The following GRIK3 variants were observed in gnomAD, a reference collection of about 807,000 sequenced individuals.
GRIK3 encodes the protein glutamate ionotropic receptor kainate type subunit 3.
A neutral mutation model predicts 102.5 loss-of-function variants in GRIK3; 29 were observed. That is an observed-to-expected ratio of 0.28 (90% CI 0.21 to 0.39). The LOEUF (loss-of-function observed/expected upper bound fraction) is 0.39. GRIK3 is among the 10% of genes least tolerant of loss of function. GRIK3 has a pLI of 1.00. For missense variants in GRIK3, 908 were observed against 1,252.4 expected (o/e 0.73, Z 4.15); for synonymous variants, 511 against 504.9 (o/e 1.01, Z -0.16).
chr1:36,886,271 T>C (rs1641036294), intron 2 of GRIK3, among the ~76,000 whole-genome samples: 1 of 151,900 alleles, frequency 6.6e-6, no homozygotes, highest in South Asian at 2.1e-4. Context: ...TGCCTCTGTG[T>C]CCCCTCCCCC....
intron 1 of GRIK3, among the ~76,000 whole-genome samples, chr1:36,902,449 T>C (rs1641241794): frequency 6.6e-6 from 1 of 152,154 alleles, no homozygotes. Flanking sequence ...CGACCGATCT[T>C]TGACAAGGGA....
intron 1 of GRIK3, among the ~76,000 whole-genome samples, chr1:36,901,498 T>C (rs756400055): frequency 1.3e-5 from 2 of 152,198 alleles, no homozygotes; most frequent in African/African-American, 2.4e-5. Context: ...ACCCCATTAA[T>C]GATAAAAACT....
At chr1:36,979,167 A>C (rs1642223396) in intron 1 of GRIK3, among the ~76,000 whole-genome samples, 1 of 152,252 alleles carries the variant, frequency 6.6e-6, no homozygotes, top group Admixed American at 6.5e-5. Flanking sequence ...CCTCCAATTT[A>C]ATAGACCAGT....
chr1:36,854,866 C>T (rs574177781), intron 7 of GRIK3, among the ~76,000 whole-genome samples: 10 of 152,278 alleles, frequency 6.6e-5, no homozygotes, highest in South Asian at 2.1e-4. Flanking sequence ...ACTTTACAGA[C>T]GAGGAAGCAG....
chr1:36,957,571 GTCTGTGCCCTGTGAGTC>G (rs1641934464), intron 1 of GRIK3, among the ~76,000 whole-genome samples: 10 of 104,778 alleles, frequency 9.5e-5, no homozygotes, highest in Middle Eastern at 7.8e-3. Flanking sequence ...TGCTCTGTGA[GTCTGTGCCCTGTGAGTC>G]TCTGTGCCCC....
chr1:36,810,444 A>G (rs192258986), intron 13 of GRIK3, among the ~76,000 whole-genome samples: 2 of 152,328 alleles, frequency 1.3e-5, no homozygotes, highest in Admixed American at 1.3e-4. Flanking sequence ...TATCAGCAAA[A>G]TTGGCAAGAA....
intron 2 of GRIK3, among the ~76,000 whole-genome samples, chr1:36,889,072 G>A (rs773370807): frequency 7.2e-5 from 11 of 152,018 alleles, no homozygotes; most frequent in Non-Finnish European, 1.0e-4. Flanking sequence ...AAAAAGACAC[G>A]GGGGCTTGCA....
chr1:36,838,685 G>T (rs996104428), intron 10 of GRIK3, among the ~76,000 whole-genome samples: 2 of 152,188 alleles, frequency 1.3e-5, no homozygotes, highest in Admixed American at 6.5e-5. Context: ...GGGCCCCGGG[G>T]GGTGGACACT....
chr1:36,918,716 T>C (rs1641433512), intron 1 of GRIK3, among the ~76,000 whole-genome samples: 1 of 152,196 alleles, frequency 6.6e-6, no homozygotes, highest in Non-Finnish European at 1.5e-5. Flanking sequence ...CCTGTCACCA[T>C]TTCCACGTCT....
At chr1:36,949,906 C>T (rs1252014143) in intron 1 of GRIK3, among the ~76,000 whole-genome samples, 1 of 152,072 alleles carries the variant, frequency 6.6e-6, no homozygotes, top group Admixed American at 6.5e-5. Context: ...TATCACAACC[C>T]CACTTTACAG....
In GRIK3 at chr1:36,881,910, C is replaced by T. The variant is rs563393736; in HGVS notation, c.293-1019G>A. Among the ~76,000 whole-genome samples, 169 of 152,268 alleles carry T rather than the reference C, an allele frequency of 1.1e-3. 4 individuals carry two copies. The South Asian group carries it at 0.035, about 31-fold the overall frequency. ...AGCTCCTCTGGCTTCCATGATGCTC[C>T]TTGAACATGCTAAGTGCATTCCTGC... On this transcript the variant is annotated intron_variant, in intron 2 of 15. Transcript: ENST00000373091.
intron 1 of GRIK3, among the ~76,000 whole-genome samples, chr1:36,966,764 C>A (rs1417971700): frequency 6.6e-6 from 1 of 150,496 alleles, no homozygotes; most frequent in Non-Finnish European, 1.5e-5. Context: ...GGATACAGAC[C>A]ACCCCCCCAA....
rs937543900 is a variant in GRIK3, at chr1:36,880,316, C to T, written c.550+318G>A. Among the ~76,000 whole-genome samples the T allele has an allele frequency of 7.2e-5, 11 of 152,132 alleles. No homozygotes were observed. The highest frequency in any genetic ancestry group is 1.9e-4 in the African/African-American group (8 of 41,498). ...TGAGCGTAAGGGCATGGGCAGGTGT[C>T]GGTGTGGCTTGCAGATGTGTGTGCT... On this transcript the variant is annotated intron_variant, in intron 3 of 15. Transcript: ENST00000373091. This position sits in a 1 kb window ranked among gnomAD's most constrained non-coding sequence, Gnocchi z 5.4.
intron 8 of GRIK3, among the ~76,000 whole-genome samples, chr1:36,852,131 G>A (rs1039831670): frequency 1.3e-5 from 2 of 152,172 alleles, no homozygotes; most frequent in Admixed American, 1.3e-4. Flanking sequence ...TGGCCCCTGT[G>A]ATCTTAGGAG....
intron 1 of GRIK3, among the ~76,000 whole-genome samples, chr1:36,959,986 C>G (rs115164636): frequency 5.0e-5 from 3 of 59,790 alleles, no homozygotes; most frequent in Non-Finnish European, 1.1e-4. Context: ...CCCCATGAGC[C>G]TCTGTGCCCC....
chr1:36,819,894 G>A lies in GRIK3; in HGVS notation c.1755-40C>T. The A allele has an allele frequency of 1.9e-6, 2 of 1,078,770 alleles. No individual in the cohort carries two copies. Among genetic ancestry groups the A allele is most frequent in the Non-Finnish European group, 2.8e-6 (2 of 708,928 alleles). The allele number at this position is 1,078,770 out of a possible 1,614,324, so 66.8% of individuals were successfully genotyped here. A position where few individuals can be genotyped will look rare whatever the true frequency, so the allele number is the denominator to read the frequency against. On this transcript the variant is annotated intron_variant, in intron 11 of 15. Coordinates refer to ENST00000373091, the MANE Select transcript of GRIK3 (RefSeq NM_000831.4). The surrounding 1 kb of genome is among the most constrained non-coding windows in gnomAD (Gnocchi z 4.1). ...GAGGGACAGTCAGCCTGGGAAGCAA[G>A]GGGCATCCACGCCCCAGCAGGCAGT...
chr1:36,892,301 G>C (rs112354506), intron 1 of GRIK3, among the ~76,000 whole-genome samples: 1 of 152,152 alleles, frequency 6.6e-6, no homozygotes, highest in Non-Finnish European at 1.5e-5. Flanking sequence ...GGGATTACAG[G>C]TGTGAGCCAC....
intron 1 of GRIK3, among the ~76,000 whole-genome samples, chr1:36,908,256 C>T (rs1641307456): frequency 6.6e-6 from 1 of 152,208 alleles, no homozygotes; most frequent in South Asian, 2.1e-4. Flanking sequence ...GGGGACCTGA[C>T]CTAAGACAGG....
At chr1:36,920,708 TG>T (rs1557426962) in intron 1 of GRIK3, among the ~76,000 whole-genome samples, 2 of 152,178 alleles carry the variant, frequency 1.3e-5, no homozygotes, top group African/African-American at 2.4e-5. Flanking sequence ...AAGGCCTCCG[TG>T]CCCCTCCAGA....
Sources: allele counts gnomAD v4.1 joint callset (sites outside exome capture counted in the v4.1 genomes callset), GRCh38; gene constraint gnomAD v4.1.1; non-coding constraint Gnocchi (gnomAD v3.1); transcripts MANE v1.5; gene names NCBI Gene and HGNC (gene_info 2026-07-23, HGNC 2026-07-21).